MARCHF10: variants seen among roughly 807,000 people sequenced by gnomAD.
MARCHF10 encodes probable E3 ubiquitin-protein ligase MARCHF10.
MARCHF10 carries 64 observed loss-of-function variants against 76.2 expected under a neutral mutation model. The ratio of observed to expected loss-of-function variants is 0.84; its 90% CI spans 0.69 to 1.03. The LOEUF (loss-of-function observed/expected upper bound fraction) is 1.03, where lower values mean the gene tolerates loss of function less well. Among genes scored for constraint, MARCHF10 ranks in the 50% least tolerant of loss-of-function variants. The pLI is 0.00. For missense variants in MARCHF10, 875 were observed against 958.0 expected (o/e 0.91, Z 1.14); for synonymous variants, 340 against 357.5 (o/e 0.95, Z 0.55).
At chr17:62,749,593 G>A (rs1026810620) in intron 4 of MARCHF10, among the ~76,000 whole-genome samples, 2 of 152,180 alleles carry the variant, frequency 1.3e-5, no homozygotes, top group Admixed American at 6.5e-5. Flanking sequence ...TTGAGTGTGC[G>A]AGAAATGTGT....
intron 8 of MARCHF10, among the ~76,000 whole-genome samples, chr17:62,718,311 C>T (rs908236942): frequency 4.6e-5 from 7 of 152,192 alleles, no homozygotes; most frequent in African/African-American, 1.2e-4. Context: ...GACCTGCGGC[C>T]TCAGACTACA....
At position 62,744,454 on chromosome 17, in the gene MARCHF10, G is replaced by C; in HGVS notation, c.457C>G (p.His153Asp). ...LRRFTVSPES[H>D]SPRASGDRSR... ...CTGTCCCCAGATGCTCTCGGGCTGT[G>C]CGATTCTGGGCTGACTGTAAATCTC... The change falls in exon 5 of 11, where the codon CAC (histidine) becomes GAC (aspartate). Residue 153 changes from histidine (H) to aspartate (D), a missense_variant. By Grantham distance (81) the His-to-Asp change is moderately conservative. Coordinates refer to ENST00000311269, the MANE Select transcript of MARCHF10 (RefSeq NM_152598.4). 1 of 1,614,168 alleles carries C rather than the reference G, an allele frequency of 6.2e-7. No homozygotes were observed. The highest frequency in any genetic ancestry group is 1.3e-5 in the African/African-American group (1 of 75,046).
chr17:62,756,559 T>C (rs1215689100), intron 4 of MARCHF10, among the ~76,000 whole-genome samples: 1 of 152,226 alleles, frequency 6.6e-6, no homozygotes, highest in Non-Finnish European at 1.5e-5. Flanking sequence ...TAGTCCCATC[T>C]CCTCATTACC....
intron 2 of MARCHF10, among the ~76,000 whole-genome samples, chr17:62,796,932 G>A (rs2092995203): frequency 6.6e-6 from 1 of 152,134 alleles, no homozygotes; most frequent in African/African-American, 2.4e-5. Flanking sequence ...GGTTGAGGCT[G>A]CAGTCAGTTG....
chr17:62,745,342 G>T (rs1378958654), intron 4 of MARCHF10, among the ~76,000 whole-genome samples: 2 of 152,068 alleles, frequency 1.3e-5, no homozygotes, highest in South Asian at 4.1e-4. Flanking sequence ...GACCTCAAGT[G>T]ATCTACTCAG....
Position 62,736,217 on chromosome 17 carries a change from T to G in MARCHF10, c.1651A>C (p.Ser551Arg). Residue 551 changes from serine (S) to arginine (R), a missense_variant, in exon 6 of 11, where the codon AGC becomes CGC. Transcript: ENST00000311269. ...VREAEDTTLT[S>R]QPQGAPLYTD... ...TATAGTGGAGCCCCCTGAGGCTGGCTTGTTAAAGTAGTATCTTCTGCTTCC... is the reference window on the plus strand; with the variant it reads ...TATAGTGGAGCCCCCTGAGGCTGGCGTGTTAAAGTAGTATCTTCTGCTTCC... 6.2e-7 allele frequency: 1 copy of G among 1,614,246 alleles called. No homozygotes were observed. Among genetic ancestry groups the G allele is most frequent in the Non-Finnish European group, 8.5e-7 (1 of 1,180,052 alleles).
intron 4 of MARCHF10, among the ~76,000 whole-genome samples, chr17:62,752,438 C>G (rs1468563480): frequency 1.3e-5 from 2 of 152,206 alleles, no homozygotes; most frequent in African/African-American, 2.4e-5. Context: ...AAAGGCAACA[C>G]CGCAAAAGGG....
chr17:62,755,470 G>C (rs2092014166), intron 4 of MARCHF10, among the ~76,000 whole-genome samples: 1 of 152,198 alleles, frequency 6.6e-6, no homozygotes, highest in South Asian at 2.1e-4. Context: ...GGCCACCGCA[G>C]CTCCCCAAAT....
chr17:62,790,928 GGA>G lies in MARCHF10; in HGVS notation c.91-2331_91-2330del, dbSNP rs1259133261. Reference sequence around the variant, plus strand: ...CAGGAAGTGGAATCCTAGATTCTGGGGAGAGAGATGCAGCTTCACTCCAACTT... The same window carrying G: ...CAGGAAGTGGAATCCTAGATTCTGGGGAGAGATGCAGCTTCACTCCAACTT... On this transcript the variant is annotated intron_variant, in intron 2 of 10. Coordinates refer to ENST00000311269, the MANE Select transcript of MARCHF10 (RefSeq NM_152598.4). Among the ~76,000 whole-genome samples the G allele has an allele frequency of 2.6e-5, 4 of 152,192 alleles. No homozygotes were observed. In the East Asian group the frequency reaches 7.7e-4, roughly 29 times the overall value.
chr17:62,787,748 G>GGATAGATA (rs539550748), intron 3 of MARCHF10, among the ~76,000 whole-genome samples: 4,057 of 151,596 alleles, frequency 0.027, 67 homozygotes, highest in East Asian at 0.058. Context: ...AAAGATGGAT[G>GGATAGATA]GATAGATAGA....
chr17:62,739,057 G>C (rs1157842162), intron 5 of MARCHF10, among the ~76,000 whole-genome samples: 2 of 152,204 alleles, frequency 1.3e-5, no homozygotes, highest in East Asian at 3.9e-4. Flanking sequence ...CCAGCACTTT[G>C]AAAGGCCGAG....
rs569633334 is a variant in MARCHF10, at chr17:62,724,897, A to ACATGTC, written c.2104+35_2104+40dup. ...CACACCGTGGTGCCTCATGTTAATT[A>ACATGTC]CATGTCGTGGCACGTTCACTGCACT... On this transcript the variant is annotated intron_variant, in intron 7 of 10. Transcript: ENST00000311269. 6,229 of 1,603,990 alleles carry ACATGTC rather than the reference A, an allele frequency of 3.9e-3. 17 individuals are homozygous for ACATGTC. The highest frequency in any genetic ancestry group is 4.6e-3 in the Non-Finnish European group (5,454 of 1,176,114).
intron 3 of MARCHF10, among the ~76,000 whole-genome samples, chr17:62,781,548 C>A (rs1180629503): frequency 6.6e-6 from 1 of 152,188 alleles, no homozygotes; most frequent in South Asian, 2.1e-4. Context: ...CTTCTCAGCG[C>A]AGGCTTGATA....
intron 6 of MARCHF10, 37 bp downstream of exon 6, chr17:62,735,894 A>G: frequency 6.4e-7 from 1 of 1,568,252 alleles, no homozygotes; most frequent in Middle Eastern, 1.7e-4. Flanking sequence ...TGGCCTTGGG[A>G]AAGTGGAAAA....
At chr17:62,720,253 T>G (rs528764360) in intron 8 of MARCHF10, among the ~76,000 whole-genome samples, 196 of 152,282 alleles carry the variant, frequency 1.3e-3, no homozygotes, top group Non-Finnish European at 2.4e-3. Flanking sequence ...TAGCCAGACG[T>G]GATGTACTGG....
intron 6 of MARCHF10, among the ~76,000 whole-genome samples, chr17:62,727,994 A>T (rs910493817): frequency 6.6e-6 from 1 of 152,184 alleles, no homozygotes; most frequent in Admixed American, 6.5e-5. Context: ...CCAGGGGAAC[A>T]TTCTGTCATT....
intron 3 of MARCHF10, among the ~76,000 whole-genome samples, chr17:62,776,170 T>C (rs940295924): frequency 6.6e-6 from 1 of 152,134 alleles, no homozygotes; most frequent in Non-Finnish European, 1.5e-5. Flanking sequence ...TTAAAGAAAA[T>C]GTAGTAAACA....
chr17:62,756,990 G>A (rs2092063559), intron 4 of MARCHF10, among the ~76,000 whole-genome samples: 1 of 152,142 alleles, frequency 6.6e-6, no homozygotes, highest in Non-Finnish European at 1.5e-5. Context: ...GTTTGTAGAG[G>A]GCATTGATAG....
chr17:62,790,029 A>G (rs1462822800), intron 2 of MARCHF10, among the ~76,000 whole-genome samples: 1 of 152,222 alleles, frequency 6.6e-6, no homozygotes, highest in Non-Finnish European at 1.5e-5. Context: ...AAAATTACCA[A>G]TGAAAATAAT....
Sources: allele counts gnomAD v4.1 joint callset (sites outside exome capture counted in the v4.1 genomes callset), GRCh38; gene constraint gnomAD v4.1.1; transcripts MANE v1.5; gene names NCBI Gene and HGNC (gene_info 2026-07-23, HGNC 2026-07-21).